ZFHX3: variants seen among roughly 807,000 people sequenced by gnomAD.
ZFHX3 encodes zinc finger homeobox protein 3.
A neutral mutation model predicts 279.1 loss-of-function variants in ZFHX3; 42 were observed. The observed-to-expected ratio is 0.15, with a 90% CI of 0.12 to 0.19. The LOEUF is 0.19. Among genes scored for constraint, ZFHX3 ranks in the 10% least tolerant of loss-of-function variants. ZFHX3 has a pLI of 1.00. For synonymous variants in ZFHX3, 2,293 were observed against 1,957.8 expected, an observed-to-expected ratio of 1.17 and a Z score of -4.52; for missense variants, 4,981 against 4,754.0, an observed-to-expected ratio of 1.05 and a Z score of -1.40.
chr16:73,550,157 T>C (rs1450437884), intron 2 of ZFHX3, among the ~76,000 whole-genome samples: 1 of 152,132 alleles, frequency 6.6e-6, no homozygotes, highest in Non-Finnish European at 1.5e-5. Flanking sequence ...CCAGGAGTAC[T>C]TCGGGGCTGG....
intron 3 of ZFHX3, among the ~76,000 whole-genome samples, chr16:73,452,430 CT>C (rs2018293861): frequency 2.0e-5 from 3 of 152,266 alleles, no homozygotes; most frequent in African/African-American, 7.2e-5. Context: ...ATAATGAACT[CT>C]TCTAGCTGGC....
chr16:73,123,595 T>G lies in ZFHX3; in HGVS notation c.-897+7373A>C, dbSNP rs539287092. On this transcript the variant is annotated intron_variant, in intron 7 of 17. Coordinates refer to the ZFHX3 transcript ENST00000641206. Reference sequence around the variant, plus strand: ...CTTCCAAGCTAAGCCCAACCCAAACTGCCAGCCTCCAGGATGGTGAGCTAA... The same window carrying G: ...CTTCCAAGCTAAGCCCAACCCAAACGGCCAGCCTCCAGGATGGTGAGCTAA... 3.9e-5 allele frequency: 6 copies of G among 151,998 alleles called. No homozygotes were observed. The South Asian group carries it at 1.3e-3, about 32-fold the overall frequency. The allele number at this position is 151,998 out of a possible 1,614,324, so 9.4% of individuals were successfully genotyped here.
chr16:73,855,900 A>G (rs1961715452), intron 1 of ZFHX3, among the ~76,000 whole-genome samples: 5 of 152,218 alleles, frequency 3.3e-5, no homozygotes. Context: ...TACGAGATCT[A>G]TGTTCAATGT....
chr16:73,204,543 G>A (rs984761448), intron 5 of ZFHX3, among the ~76,000 whole-genome samples: 2 of 152,162 alleles, frequency 1.3e-5, no homozygotes, highest in African/African-American at 2.4e-5. Context: ...GGTAATGCGA[G>A]TGACGGGGAA....
At chr16:73,849,280 T>C (rs1961533589) in intron 1 of ZFHX3, among the ~76,000 whole-genome samples, 1 of 152,216 alleles carries the variant, frequency 6.6e-6, no homozygotes, top group African/African-American at 2.4e-5. Context: ...ACAAGACCTG[T>C]AGTCATGCAG....
Position 73,595,884 on chromosome 16 carries a change from T to C in ZFHX3, c.-1547+84296A>G, listed in dbSNP as rs114083276. 7.8e-3 allele frequency among the ~76,000 whole-genome samples: 1,190 copies of C among 152,344 alleles called. 13 individuals are homozygous for C. The highest frequency in any genetic ancestry group is 0.027 in the African/African-American group (1,125 of 41,572). On this transcript the variant is annotated intron_variant, in intron 2 of 17. Transcript: ENST00000641206. Reference sequence around the variant, plus strand: ...GCATCCCATCTATCCCAAATCCCAGTAGATTATAACTCTGAAGTGGCTTTC... The same window carrying C: ...GCATCCCATCTATCCCAAATCCCAGCAGATTATAACTCTGAAGTGGCTTTC...
At chr16:73,204,526 G>A (rs1277242125) in intron 5 of ZFHX3, among the ~76,000 whole-genome samples, 8 of 152,152 alleles carry the variant, frequency 5.3e-5, no homozygotes, top group Non-Finnish European at 1.0e-4. Flanking sequence ...AGGAGGCGGA[G>A]CCCAGTGGTA....
intron 4 of ZFHX3, among the ~76,000 whole-genome samples, chr16:73,307,340 G>A (rs1200996229): frequency 6.6e-6 from 1 of 152,230 alleles, no homozygotes; most frequent in Non-Finnish European, 1.5e-5. Context: ...CAGTGGAGAA[G>A]CCAGAAAAAT....
At chr16:73,422,698 T>G (rs1288139168) in intron 3 of ZFHX3, among the ~76,000 whole-genome samples, 1 of 152,224 alleles carries the variant, frequency 6.6e-6, no homozygotes, top group East Asian at 1.9e-4. Flanking sequence ...CTCCTTCCTC[T>G]GCCTCTTTGC....
intron 2 of ZFHX3, among the ~76,000 whole-genome samples, chr16:73,678,669 A>C (rs1171108950): frequency 6.6e-6 from 1 of 152,174 alleles, no homozygotes; most frequent in African/African-American, 2.4e-5. Context: ...CTCACCAAAA[A>C]AACTGCTATA....
chr16:73,426,058 C>G (rs72799474), intron 3 of ZFHX3, among the ~76,000 whole-genome samples: 53 of 152,300 alleles, frequency 3.5e-4, no homozygotes, highest in Non-Finnish European at 6.5e-4. Flanking sequence ...ACCCTTGGGC[C>G]CTGGCTGGCC....
At chr16:73,063,929 T>A (rs954736968), upstream of ZFHX3, among the ~76,000 whole-genome samples, 21 of 152,182 alleles carry the variant, frequency 1.4e-4, no homozygotes, top group African/African-American at 3.9e-4. Flanking sequence ...CCTTTTGTTA[T>A]GGTTCAGTGT....
chr16:73,559,920 G>A (rs950768434), intron 2 of ZFHX3, among the ~76,000 whole-genome samples: 1 of 152,288 alleles, frequency 6.6e-6, no homozygotes, highest in Non-Finnish European at 1.5e-5. Context: ...GTTCAGGAAG[G>A]GAACCGGCTG....
At chr16:73,651,012 A>C (rs1051059802) in intron 2 of ZFHX3, among the ~76,000 whole-genome samples, 1 of 152,228 alleles carries the variant, frequency 6.6e-6, no homozygotes, top group East Asian at 1.9e-4. Context: ...AAGGTGTAAT[A>C]AACAAAATAA....
chr16:73,129,940 G>A (rs1160930479), intron 7 of ZFHX3, among the ~76,000 whole-genome samples: 4 of 152,138 alleles, frequency 2.6e-5, no homozygotes, highest in Admixed American at 2.6e-4. Flanking sequence ...GGCAAAAGCA[G>A]GAAAACAGGG....
intron 5 of ZFHX3, among the ~76,000 whole-genome samples, chr16:73,177,475 G>A (rs749656093): frequency 3.9e-5 from 6 of 152,206 alleles, no homozygotes; most frequent in Non-Finnish European, 8.8e-5. Flanking sequence ...CTTTGGAAGC[G>A]TATGAAACAT....
intron 5 of ZFHX3, among the ~76,000 whole-genome samples, chr16:73,188,806 G>A (rs1239811760): frequency 6.6e-6 from 1 of 151,798 alleles, no homozygotes; most frequent in African/African-American, 2.4e-5. Context: ...AAACACTTAG[G>A]TTCTCACTTT....
At chr16:73,091,205 C>T (rs1356981348) in intron 8 of ZFHX3, among the ~76,000 whole-genome samples, 3 of 147,584 alleles carry the variant, frequency 2.0e-5, no homozygotes, top group East Asian at 2.0e-4. Flanking sequence ...AGTGAGACTC[C>T]GTCTCGGAAA....
chr16:73,801,872 C>A (rs1001223723), intron 1 of ZFHX3, among the ~76,000 whole-genome samples: 6 of 152,172 alleles, frequency 3.9e-5, no homozygotes, highest in African/African-American at 1.4e-4. Context: ...CTTTCTCTGC[C>A]TCAGTTGTCT....
Sources: allele counts gnomAD v4.1 joint callset (sites outside exome capture counted in the v4.1 genomes callset), GRCh38; gene constraint gnomAD v4.1.1; transcripts MANE v1.5; gene names NCBI Gene and HGNC (gene_info 2026-07-23, HGNC 2026-07-21).